Variants in MCTP2 observed in about 807,000 individuals in gnomAD.
MCTP2 encodes multiple C2 and transmembrane domain containing 2.
Under a neutral mutation model 111.6 loss-of-function variants are expected in MCTP2, and 132 were observed. That is an observed-to-expected ratio of 1.18 (90% CI 1.03 to 1.37). The LOEUF (loss-of-function observed/expected upper bound fraction) is 1.37, where lower values mean the gene tolerates loss of function less well. Among genes scored for constraint, MCTP2 ranks in the 40% most tolerant of loss-of-function variants. The probability of loss-of-function intolerance (pLI) is 0.00; values close to 1 mark genes in which losing one functional copy is unlikely to be tolerated. For missense variants in MCTP2, 1,183 were observed against 1,067.9 expected (o/e 1.11, Z -1.50); for synonymous variants, 395 against 387.7 (o/e 1.02, Z -0.22).
Position 94,470,350 on chromosome 15 carries a change from T to C in MCTP2, c.2378T>C (p.Val793Ala). ...GTCTACAGCACATTTAACTGGACGGTCCCCTTCCTTTCATCTCTGGCCTGT... is the reference window on the plus strand; with the variant it reads ...GTCTACAGCACATTTAACTGGACGGCCCCCTTCCTTTCATCTCTGGCCTGT... ...ERIKNTFNWTVPFLSSLACLI... is the reference protein window; with the variant it reads ...ERIKNTFNWTAPFLSSLACLI... Residue 793 changes from valine (V) to alanine (A), a missense_variant, in exon 21 of 23, where the codon GTC (valine) becomes GCC (alanine). Physicochemically the swap from Val to Ala is moderately conservative, Grantham distance 64 (BLOSUM62 0). Transcript: ENST00000357742. 6.2e-7 allele frequency: 1 copy of C among 1,612,584 alleles called. No homozygotes were observed. The highest frequency in any genetic ancestry group is 8.5e-7 in the Non-Finnish European group (1 of 1,178,578).
At chr15:94,431,981 GT>G (rs2083209202) in intron 17 of MCTP2, among the ~76,000 whole-genome samples, 1 of 152,152 alleles carries the variant, frequency 6.6e-6, no homozygotes, top group South Asian at 2.1e-4. Flanking sequence ...CACTCCAGTG[GT>G]TTTTAAAAGA....
chr15:94,409,958 C>T (rs2082082644), intron 17 of MCTP2, among the ~76,000 whole-genome samples: 1 of 150,692 alleles, frequency 6.6e-6, no homozygotes, highest in South Asian at 2.1e-4. Context: ...TCTCCAGAAG[C>T]CCTCCTCACC....
chr15:94,341,580 C>T (rs1469360830), intron 7 of MCTP2: 1 of 152,040 alleles, frequency 6.6e-6, no homozygotes, highest in East Asian at 1.9e-4. Context: ...AATTAGGTCT[C>T]CAGTAATGCT....
intron 4 of MCTP2, 45 bp downstream of exon 4, chr15:94,315,682 T>G: frequency 3.0e-6 from 4 of 1,353,672 alleles, no homozygotes; most frequent in South Asian, 1.2e-5. Flanking sequence ...GGAAACTTCT[T>G]TCTCTCTGTC....
chr15:94,395,365 C>T (rs2081228258), intron 14 of MCTP2, among the ~76,000 whole-genome samples: 1 of 152,110 alleles, frequency 6.6e-6, no homozygotes, highest in African/African-American at 2.4e-5. Flanking sequence ...CAGTATGACC[C>T]TTTAGTTTGG....
chr15:94,471,313 T>TG (rs1347258145), intron 21 of MCTP2, among the ~76,000 whole-genome samples: 1 of 152,178 alleles, frequency 6.6e-6, no homozygotes, highest in Non-Finnish European at 1.5e-5. Flanking sequence ...TTAAGATGTT[T>TG]GGGGAAATCA....
intron 2 of MCTP2, among the ~76,000 whole-genome samples, chr15:94,310,998 C>CATTTATTG (rs1372346363): frequency 6.9e-6 from 1 of 145,336 alleles, no homozygotes; most frequent in Non-Finnish European, 1.5e-5. Flanking sequence ...TGCTTGGTTA[C>CATTTATTG]ATTTATTGGG....
chr15:94,344,274 T>C (rs978676086), intron 7 of MCTP2, among the ~76,000 whole-genome samples: 4 of 152,226 alleles, frequency 2.6e-5, no homozygotes, highest in Admixed American at 1.3e-4. Flanking sequence ...TGGTTTCTAA[T>C]GTATTGGGAA....
intron 1 of MCTP2, among the ~76,000 whole-genome samples, chr15:94,264,707 G>C (rs2073410984): frequency 6.6e-6 from 1 of 152,186 alleles, no homozygotes; most frequent in Non-Finnish European, 1.5e-5. Context: ...AAGCCCTCAA[G>C]TGTAAACTAT....
intron 1 of MCTP2, among the ~76,000 whole-genome samples, chr15:94,289,095 A>C (rs1160818682): frequency 6.6e-6 from 1 of 152,222 alleles, no homozygotes; most frequent in Non-Finnish European, 1.5e-5. Context: ...AAGCCTCAAC[A>C]AGTATTCAAA....
intron 17 of MCTP2, among the ~76,000 whole-genome samples, chr15:94,439,268 A>G (rs1384919928): frequency 1.3e-5 from 2 of 152,104 alleles, no homozygotes; most frequent in Non-Finnish European, 2.9e-5. Flanking sequence ...GGAAAGGAAG[A>G]TTTCATATTT....
chr15:94,441,713 G>C (rs2083791486), intron 18 of MCTP2, among the ~76,000 whole-genome samples: 1 of 152,210 alleles, frequency 6.6e-6, no homozygotes, highest in South Asian at 2.1e-4. Flanking sequence ...ACAGTGCATA[G>C]TGACGAAGTG....
chr15:94,288,895 A>G (rs117688796), intron 1 of MCTP2, among the ~76,000 whole-genome samples: 2,658 of 152,354 alleles, frequency 0.017, 33 homozygotes, highest in Middle Eastern at 0.031. Context: ...AAACCTCACT[A>G]TATGGATTCA....
intron 1 of MCTP2, among the ~76,000 whole-genome samples, chr15:94,261,694 C>T (rs193019848): frequency 3.5e-4 from 54 of 152,210 alleles, no homozygotes; most frequent in African/African-American, 1.1e-3. Context: ...CAGATAGTGT[C>T]GCTTTTAATT....
chr15:94,473,341 A>G (rs2074083937), intron 21 of MCTP2, among the ~76,000 whole-genome samples: 1 of 152,226 alleles, frequency 6.6e-6, no homozygotes, highest in African/African-American at 2.4e-5. Context: ...TGAGCCTGCA[A>G]GCTTAATACC....
In MCTP2 at chr15:94,438,342, T is replaced by C. The variant is rs536385170; in HGVS notation, c.2086-1834T>C. 4.6e-5 allele frequency among the ~76,000 whole-genome samples: 7 copies of C among 152,228 alleles called. No individual in the cohort carries two copies. In the East Asian group the frequency reaches 1.3e-3, roughly 29 times the overall value. ...TTACTAATATATACCTAAGGTGCCC[T>C]GAGGTGGAAAAAATTCACATCAAAT... On this transcript the variant is annotated intron_variant, in intron 17 of 22. Transcript: ENST00000357742.
intron 1 of MCTP2, among the ~76,000 whole-genome samples, chr15:94,296,486 C>T (rs998144201): frequency 1.3e-5 from 2 of 152,190 alleles, no homozygotes; most frequent in African/African-American, 4.8e-5. Context: ...CCATTCAGTC[C>T]TCACCGCAGC....
chr15:94,309,418 TA>T (rs1206731450), intron 2 of MCTP2, among the ~76,000 whole-genome samples: 1 of 152,254 alleles, frequency 6.6e-6, no homozygotes, highest in African/African-American at 2.4e-5. Flanking sequence ...GCCAAATTTT[TA>T]CTCTTATTTA....
At chr15:94,433,250 AT>A (rs1310750595) in intron 17 of MCTP2, among the ~76,000 whole-genome samples, 2 of 152,226 alleles carry the variant, frequency 1.3e-5, no homozygotes. Context: ...TTTAGCATGT[AT>A]ACATTTTCAT....
Sources: gnomAD v4.1 joint callset for allele counts (sites outside exome capture counted in the v4.1 genomes callset) on GRCh38, gnomAD v4.1.1 for gene constraint, MANE v1.5 for transcripts, NCBI Gene and HGNC (gene_info 2026-07-23, HGNC 2026-07-21) for gene names.